VDAC1: variants seen among roughly 807,000 people sequenced by gnomAD.
VDAC1 encodes non-selective voltage-gated ion channel VDAC1.
VDAC1 carries 10 observed loss-of-function variants against 34.7 expected under a neutral mutation model. The ratio of observed to expected loss-of-function variants is 0.29; its 90% CI spans 0.18 to 0.49. VDAC1 has a LOEUF of 0.49. Among genes scored for constraint, VDAC1 ranks in the 20% least tolerant of loss-of-function variants. VDAC1 has a pLI of 0.99. For synonymous variants in VDAC1, 130 were observed against 136.0 expected, an observed-to-expected ratio of 0.96 and a Z score of 0.30; for missense variants, 230 against 347.9, an observed-to-expected ratio of 0.66 and a Z score of 2.69.
At chr5:134,110,561 A>G in the VDAC1 span, among the ~76,000 whole-genome samples, 1 of 152,250 alleles carries the variant, frequency 6.6e-6, no homozygotes, top group Non-Finnish European at 1.5e-5. Flanking sequence ...AACAAACCAC[A>G]GTCTACCTCT....
chr5:133,986,005 G>T (rs1378686351), intron 5 of VDAC1, among the ~76,000 whole-genome samples: 2 of 152,154 alleles, frequency 1.3e-5, no homozygotes, highest in Non-Finnish European at 2.9e-5. Flanking sequence ...GCAGTGCTGG[G>T]GAGTGGCTCA....
At chr5:134,098,959 C>T in the VDAC1 span, among the ~76,000 whole-genome samples, 4 of 152,362 alleles carry the variant, frequency 2.6e-5, no homozygotes, top group Non-Finnish European at 5.9e-5. Flanking sequence ...GCAAGCCAGG[C>T]TGGACTCCAG....
chr5:133,974,913 C>T lies in VDAC1; in HGVS notation c.702+958G>A, dbSNP rs533488360. On this transcript the variant is annotated intron_variant, in intron 7 of 8. Coordinates refer to ENST00000265333, the MANE Select transcript of VDAC1 (RefSeq NM_003374.3). ...GGTTGCGCAGTGAGCTGAGATCGTG[C>T]CATTGCACTCCAGCCTGGGCAACAA... 2.0e-5 allele frequency among the ~76,000 whole-genome samples: 3 copies of T among 151,390 alleles called. No individual in the cohort carries two copies. The East Asian group carries it at 5.9e-4, about 30-fold the overall frequency.
chr5:134,074,368 G>A, the VDAC1 span, among the ~76,000 whole-genome samples: 2 of 151,744 alleles, frequency 1.3e-5, no homozygotes, highest in Non-Finnish European at 2.9e-5. Context: ...GCTTTGAAAT[G>A]ACATCTACTT....
the VDAC1 span, among the ~76,000 whole-genome samples, chr5:134,034,795 G>A: frequency 1.3e-5 from 2 of 152,124 alleles, no homozygotes; most frequent in Non-Finnish European, 2.9e-5. Flanking sequence ...CTGCGAGTAA[G>A]GAAAGGAGCT....
intron 1 of VDAC1, among the ~76,000 whole-genome samples, chr5:133,994,102 T>C (rs1458259270): frequency 6.6e-6 from 1 of 152,186 alleles, no homozygotes; most frequent in Non-Finnish European, 1.5e-5. Context: ...TACATGTATA[T>C]ATATTCACAC....
chr5:134,084,439 G>A, the VDAC1 span, among the ~76,000 whole-genome samples: 11 of 152,220 alleles, frequency 7.2e-5, no homozygotes, highest in Non-Finnish European at 1.5e-4. Flanking sequence ...CCAGACCCTG[G>A]AACTGGCCCG....
chr5:134,076,234 C>T, the VDAC1 span, among the ~76,000 whole-genome samples: 3 of 152,158 alleles, frequency 2.0e-5, no homozygotes, highest in African/African-American at 7.2e-5. Flanking sequence ...CTGCCTCGGC[C>T]TCCCAAAGTG....
chr5:134,089,087 GGGGT>G, the VDAC1 span, among the ~76,000 whole-genome samples: 1 of 152,238 alleles, frequency 6.6e-6, no homozygotes, highest in Non-Finnish European at 1.5e-5. Flanking sequence ...GCACCAGCCA[GGGGT>G]GCCCAGCCTG....
Position 133,980,830 on chromosome 5 carries a change from C to G in VDAC1, c.450G>C (p.Leu150=), listed in dbSNP as rs756432972. The change falls in exon 6 of 9, where the codon CTG becomes CTC. Residue 150 remains leucine (L), a synonymous_variant. Coordinates refer to ENST00000265333, the MANE Select transcript of VDAC1 (RefSeq NM_003374.3). ...TCTCAAAATTCATCTGGTAGCCGGC[C>G]AGCCAGCCCTCGTAACCTAGCACCA... ...GALVLGYEGW[L]AGYQMNFETA... 16 of 1,613,668 alleles carry G rather than the reference C, an allele frequency of 9.9e-6. No individual in the cohort carries two copies. Among genetic ancestry groups the G allele is most frequent in the Non-Finnish European group, 1.4e-5 (16 of 1,179,896 alleles).
At chr5:134,017,399 T>A in the VDAC1 span, among the ~76,000 whole-genome samples, 1 of 151,668 alleles carries the variant, frequency 6.6e-6, no homozygotes, top group Non-Finnish European at 1.5e-5. Context: ...GAGGTTGCAG[T>A]GAGCTGAGAT....
At chr5:133,993,287 G>C (rs1288149333) in intron 1 of VDAC1, among the ~76,000 whole-genome samples, 1 of 152,140 alleles carries the variant, frequency 6.6e-6, no homozygotes, top group Non-Finnish European at 1.5e-5. Flanking sequence ...ACTGAGCCCA[G>C]GCCCAGAACA....
chr5:134,076,738 A>C, the VDAC1 span, among the ~76,000 whole-genome samples: 1 of 152,196 alleles, frequency 6.6e-6, no homozygotes, highest in Non-Finnish European at 1.5e-5. Context: ...GATCAGATAG[A>C]ATATCATACC....
chr5:134,025,438 C>T, the VDAC1 span, among the ~76,000 whole-genome samples: 2 of 152,188 alleles, frequency 1.3e-5, no homozygotes, highest in African/African-American at 4.8e-5. Context: ...ACATAAGATT[C>T]GGAAGGGACA....
chr5:134,033,861 A>C, the VDAC1 span, among the ~76,000 whole-genome samples: 1 of 151,930 alleles, frequency 6.6e-6, no homozygotes, highest in Admixed American at 6.6e-5. Flanking sequence ...GAGTGGTGGC[A>C]GGCGCCTGTA....
the VDAC1 span, among the ~76,000 whole-genome samples, chr5:134,073,140 G>A: frequency 6.6e-6 from 1 of 152,178 alleles, no homozygotes; most frequent in Non-Finnish European, 1.5e-5. Flanking sequence ...CATCACCAGT[G>A]CCCTGAAGCC....
chr5:134,082,854 C>G, the VDAC1 span, among the ~76,000 whole-genome samples: 6 of 152,098 alleles, frequency 3.9e-5, no homozygotes, highest in Non-Finnish European at 8.8e-5. Context: ...TGCTTGTCAG[C>G]CATTCCTATA....
At chr5:134,057,803 C>T in the VDAC1 span, among the ~76,000 whole-genome samples, 2 of 152,120 alleles carry the variant, frequency 1.3e-5, no homozygotes, top group African/African-American at 4.8e-5. Context: ...CATTTCCCTA[C>T]ATTCGCTTCA....
At chr5:134,069,719 C>G in the VDAC1 span, among the ~76,000 whole-genome samples, 1 of 152,094 alleles carries the variant, frequency 6.6e-6, no homozygotes, top group African/African-American at 2.4e-5. Flanking sequence ...ATGGATGTGT[C>G]AAAAGTGTTT....
Sources: allele counts gnomAD v4.1 joint callset (sites outside exome capture counted in the v4.1 genomes callset), GRCh38; gene constraint gnomAD v4.1.1; transcripts MANE v1.5; gene names NCBI Gene and HGNC (gene_info 2026-07-23, HGNC 2026-07-21).